SYN2: variants seen among roughly 807,000 people sequenced by gnomAD.
The protein encoded by SYN2 is synapsin II.
A neutral mutation model predicts 50.9 loss-of-function variants in SYN2; 19 were observed. The observed-to-expected ratio is 0.37, with a 90% confidence interval of 0.26 to 0.55. SYN2 has a LOEUF of 0.55. SYN2 is among the 20% of genes least tolerant of loss of function. The pLI is 0.81. For synonymous variants in SYN2, 255 were observed against 224.9 expected, an observed-to-expected ratio of 1.13 and a Z score of -1.20; for missense variants, 587 against 576.4, an observed-to-expected ratio of 1.02 and a Z score of -0.19.
intron 1 of SYN2, among the ~76,000 whole-genome samples, chr3:12,040,788 A>G (rs73013521): frequency 0.037 from 5,688 of 152,254 alleles, 134 homozygotes; most frequent in Non-Finnish European, 0.052. Flanking sequence ...GAAGAGGACT[A>G]AGTCTCAGTG....
At chr3:12,060,742 A>G (rs1326142012) in intron 1 of SYN2, among the ~76,000 whole-genome samples, 1 of 152,172 alleles carries the variant, frequency 6.6e-6, no homozygotes, top group Non-Finnish European at 1.5e-5. Context: ...TATTAAACAC[A>G]GCCAAACTCC....
Position 12,187,452 on chromosome 3 carries a change from C to T in SYN2, c.1453C>T (p.Pro485Ser), listed in dbSNP as rs1329081027. The T allele has an allele frequency of 1.9e-6, 3 of 1,553,470 alleles. No individual in the cohort carries two copies. The highest frequency in any genetic ancestry group is 2.4e-5 in the East Asian group (1 of 41,064). The stretch of plus-strand genomic sequence containing the variant: ...GCTCCCCCCTGGACCATCACTGCCA[C>T]CTTCCTCCTCTTCCTCCTCTTCTTC... ...RRLPPGPSLPPSSSSSSSSSS... is the reference protein window; with the variant it reads ...RRLPPGPSLPSSSSSSSSSSS... The change falls in exon 12 of 13, where the codon CCT (proline) becomes TCT (serine). Residue 485 changes from proline (P) to serine (S), a missense_variant. Physicochemically the swap from Pro to Ser is moderately conservative, Grantham distance 74. Coordinates refer to ENST00000621198, the MANE Select transcript of SYN2 (RefSeq NM_133625.6).
chr3:12,096,011 A>G (rs1213921436), intron 1 of SYN2, among the ~76,000 whole-genome samples: 1 of 152,046 alleles, frequency 6.6e-6, no homozygotes, highest in Non-Finnish European at 1.5e-5. Context: ...CTTCCTTTCC[A>G]TCTCAATAAA....
rs1236716272 is a variant in SYN2, at chr3:12,162,171, T to G, written c.980+17T>G. On this transcript the variant is annotated intron_variant, in intron 7 of 12. Transcript: ENST00000621198. ...GGCTTACATGTGAGTAAGAGTGGGG[T>G]ATGTTTTCTCCTCAGTGATGATGGA... The G allele has an allele frequency of 5.6e-6, 9 of 1,613,178 alleles. No individual in the cohort carries two copies. The highest frequency in any genetic ancestry group is 7.6e-6 in the Non-Finnish European group (9 of 1,179,510).
At chr3:12,007,424 A>G (rs551116707) in intron 1 of SYN2, among the ~76,000 whole-genome samples, 2 of 152,346 alleles carry the variant, frequency 1.3e-5, no homozygotes, top group East Asian at 3.9e-4. Context: ...TCAGTTAAAA[A>G]TTGATGAGTG....
chr3:12,019,909 G>T lies in SYN2; in HGVS notation c.377+14981G>T, dbSNP rs1694096324. On this transcript the variant is annotated intron_variant, in intron 1 of 12. Transcript: ENST00000621198. ...CTCACTCTGTACCCTTTCTCTGTGC[G>T]GCTAAGCTCCTTTCTGATCTCTGCA... Among the ~76,000 whole-genome samples, 5 of 152,080 alleles carry T rather than the reference G, an allele frequency of 3.3e-5. No individual in the cohort carries two copies. The South Asian group carries it at 8.3e-4, about 25-fold the overall frequency.
chr3:12,084,363 A>G (rs1695645419), intron 1 of SYN2, among the ~76,000 whole-genome samples: 1 of 152,186 alleles, frequency 6.6e-6, no homozygotes, highest in African/African-American at 2.4e-5. Flanking sequence ...CAAATTAATT[A>G]AACAGATTCT....
At chr3:12,008,678 C>G (rs1045097418) in intron 1 of SYN2, among the ~76,000 whole-genome samples, 16 of 152,166 alleles carry the variant, frequency 1.1e-4, no homozygotes, top group African/African-American at 3.9e-4. Flanking sequence ...ATTTACTAAG[C>G]TTTGTACCAA....
At chr3:12,130,040 CA>C (rs1559432011) in intron 1 of SYN2, among the ~76,000 whole-genome samples, 2 of 152,114 alleles carry the variant, frequency 1.3e-5, no homozygotes, top group Admixed American at 1.3e-4. Context: ...AATCTGCTGG[CA>C]CCTTGATCTG....
rs148618513 is a variant in SYN2, at chr3:12,020,169, C to T, written c.377+15241C>T. ...GAGTTGTCAGGAAAGAGGATTTTCACTCCAGAGCTCAGTTCTTTTAAAGCT... is the reference window on the plus strand; with the variant it reads ...GAGTTGTCAGGAAAGAGGATTTTCATTCCAGAGCTCAGTTCTTTTAAAGCT... On this transcript the variant is annotated intron_variant, in intron 1 of 12. Coordinates refer to ENST00000621198, the MANE Select transcript of SYN2 (RefSeq NM_133625.6). Among the ~76,000 whole-genome samples the T allele has an allele frequency of 4.2e-3, 640 of 152,292 alleles. 6 individuals carry two copies. The highest frequency in any genetic ancestry group is 0.014 in the African/African-American group (586 of 41,576).
chr3:12,160,042 CAAAAAAAAA>C (rs3079818), intron 5 of SYN2, among the ~76,000 whole-genome samples: 36 of 67,616 alleles, frequency 5.3e-4, no homozygotes, highest in African/African-American at 1.9e-3. Flanking sequence ...GACTCCGTCT[CAAAAAAAAA>C]AAAAAAAAAA....
At chr3:12,107,859 A>G (rs1237286463) in intron 1 of SYN2, among the ~76,000 whole-genome samples, 1 of 152,210 alleles carries the variant, frequency 6.6e-6, no homozygotes, top group Non-Finnish European at 1.5e-5. Context: ...AGTCCTATAG[A>G]ACATTCAACA....
At chr3:12,024,535 A>G (rs923902419) in intron 1 of SYN2, among the ~76,000 whole-genome samples, 3 of 152,138 alleles carry the variant, frequency 2.0e-5, no homozygotes, top group Admixed American at 1.3e-4. Flanking sequence ...ACGAAATCCT[A>G]CAGTAGAAAC....
rs781727495 is a variant in SYN2 at position 12,145,681 on chromosome 3, C to T, written c.530C>T (p.Ser177Phe). 4.3e-6 allele frequency: 7 copies of T among 1,613,844 alleles called. No individual in the cohort carries two copies. Among genetic ancestry groups the T allele is most frequent in the Non-Finnish European group, 5.1e-6 (6 of 1,179,794 alleles). ...ACCTGCCTCTACCTTCTCACCAGGT[C>T]CTTCCGGCCAGACTTCGTGCTCATC... ...VLRNGTKVVRSFRPDFVLIRQ... is the reference protein window; with the variant it reads ...VLRNGTKVVRFFRPDFVLIRQ... The change falls in exon 4 of 13, where the codon TCC becomes TTC. Residue 177 changes from serine (S) to phenylalanine (F), a missense_variant and splice_region_variant. Physicochemically the swap from Ser to Phe is radical, Grantham distance 155. Coordinates refer to ENST00000621198, the MANE Select transcript of SYN2 (RefSeq NM_133625.6).
intron 10 of SYN2, among the ~76,000 whole-genome samples, chr3:12,182,769 G>A (rs948543354): frequency 3.9e-5 from 6 of 152,242 alleles, no homozygotes; most frequent in Admixed American, 2.0e-4. Context: ...CTCCAGATGA[G>A]AAGTGAGCCA....
At chr3:12,118,458 T>G (rs1220132439) in intron 1 of SYN2, among the ~76,000 whole-genome samples, 2 of 152,212 alleles carry the variant, frequency 1.3e-5, no homozygotes, top group Non-Finnish European at 2.9e-5. Flanking sequence ...TTATTCCATT[T>G]TACAGATGAG....
At chr3:12,151,186 T>C in intron 4 of SYN2, 51 bp from the exon 5 acceptor site, 1 of 1,317,352 alleles carries the variant, frequency 7.6e-7, no homozygotes. Flanking sequence ...ATGTTTCATC[T>C]GTTTCAGAAG....
At position 12,163,102 on chromosome 3, in the gene SYN2, C is replaced by T. The variant is rs946152388; in HGVS notation, c.980+948C>T. 5.9e-5 allele frequency among the ~76,000 whole-genome samples: 9 copies of T among 151,960 alleles called. No homozygotes were observed. The East Asian group carries it at 9.7e-4, about 16-fold the overall frequency. On this transcript the variant is annotated intron_variant, in intron 7 of 12. Coordinates refer to ENST00000621198, the MANE Select transcript of SYN2 (RefSeq NM_133625.6). ...AAAAAATACAAAGAAATTAGCCAGACGTGGTGGTGGGCGCCTCTAGTCCCA... is the reference window on the plus strand; with the variant it reads ...AAAAAATACAAAGAAATTAGCCAGATGTGGTGGTGGGCGCCTCTAGTCCCA...
At chr3:12,082,396 C>CAG (rs1695601364) in intron 1 of SYN2, among the ~76,000 whole-genome samples, 1 of 152,200 alleles carries the variant, frequency 6.6e-6, no homozygotes, top group Non-Finnish European at 1.5e-5. Context: ...GCACAGTGAA[C>CAG]CACTCTTATG....
Sources: gnomAD v4.1 joint callset for allele counts (sites outside exome capture counted in the v4.1 genomes callset) on GRCh38, gnomAD v4.1.1 for gene constraint, MANE v1.5 for transcripts, NCBI Gene and HGNC (gene_info 2026-07-23, HGNC 2026-07-21) for gene names.